Variants in ZFPM2 observed in about 807,000 individuals in gnomAD.
The protein encoded by ZFPM2 is zinc finger protein, FOG family member 2, also known as zinc finger protein ZFPM2.
ZFPM2 carries 20 observed loss-of-function variants against 98.6 expected under a neutral mutation model. The ratio of observed to expected loss-of-function variants is 0.20; its 90% CI spans 0.14 to 0.29. ZFPM2 has a LOEUF of 0.29. Among genes scored for constraint, ZFPM2 ranks in the 10% least tolerant of loss-of-function variants. The probability of loss-of-function intolerance (pLI) is 1.00; values close to 1 mark genes in which losing one functional copy is unlikely to be tolerated. For synonymous variants in ZFPM2, 518 were observed against 502.7 expected, an observed-to-expected ratio of 1.03 and a Z score of -0.41; for missense variants, 1,310 against 1,388.6, an observed-to-expected ratio of 0.94 and a Z score of 0.90.
chr8:105,350,273 A>G (rs560555117), intron 1 of ZFPM2, among the ~76,000 whole-genome samples: 1 of 152,168 alleles, frequency 6.6e-6, no homozygotes, highest in African/African-American at 2.4e-5. Flanking sequence ...AGAGTCTGTT[A>G]AAGTGATTCA....
intron 3 of ZFPM2, among the ~76,000 whole-genome samples, chr8:105,509,333 C>T (rs1368906273): frequency 1.3e-5 from 2 of 152,092 alleles, no homozygotes; most frequent in African/African-American, 4.8e-5. Context: ...GGATCCCTTC[C>T]CTCTCCCAGA....
intron 5 of ZFPM2, among the ~76,000 whole-genome samples, chr8:105,641,550 T>C (rs1162350496): frequency 2.0e-5 from 3 of 152,108 alleles, no homozygotes. Context: ...GACTGTGTTA[T>C]TTAAAATAGA....
At chr8:105,330,581 C>CACAT (rs1812202101) in intron 1 of ZFPM2, among the ~76,000 whole-genome samples, 1 of 86,338 alleles carries the variant, frequency 1.2e-5, no homozygotes, top group African/African-American at 4.8e-5. Context: ...TATATATATA[C>CACAT]ATATATATAT....
intron 3 of ZFPM2, among the ~76,000 whole-genome samples, chr8:105,465,378 T>C (rs140319539): frequency 8.5e-5 from 13 of 152,110 alleles, no homozygotes; most frequent in African/African-American, 2.9e-4. Flanking sequence ...CATATTGATA[T>C]CTACATCTGT....
intron 3 of ZFPM2, among the ~76,000 whole-genome samples, chr8:105,455,389 C>G (rs1166896796): frequency 6.6e-6 from 1 of 152,026 alleles, no homozygotes; most frequent in African/African-American, 2.4e-5. Context: ...GCAGCTTTTT[C>G]AAAACCGTTG....
chr8:105,335,537 A>G (rs1018335822), intron 1 of ZFPM2, among the ~76,000 whole-genome samples: 5 of 151,742 alleles, frequency 3.3e-5, no homozygotes, highest in African/African-American at 1.2e-4. Flanking sequence ...CAAGAATTCT[A>G]TTCCTAAAGA....
At chr8:105,328,534 A>T (rs1232313413) in intron 1 of ZFPM2, among the ~76,000 whole-genome samples, 1 of 151,848 alleles carries the variant, frequency 6.6e-6, no homozygotes, top group African/African-American at 2.4e-5. Flanking sequence ...TCAACTGTTT[A>T]TGTATAGCAG....
chr8:105,676,648 A>T (rs1810476248), intron 5 of ZFPM2, among the ~76,000 whole-genome samples: 1 of 152,136 alleles, frequency 6.6e-6, no homozygotes, highest in Non-Finnish European at 1.5e-5. Context: ...AATATATTTA[A>T]ATATATAAGA....
At chr8:105,600,112 C>T (rs894229228) in intron 4 of ZFPM2, among the ~76,000 whole-genome samples, 4 of 152,120 alleles carry the variant, frequency 2.6e-5, no homozygotes, top group African/African-American at 9.7e-5. Flanking sequence ...TGTTTGCCTA[C>T]TGTATCTTTT....
intron 4 of ZFPM2, among the ~76,000 whole-genome samples, chr8:105,629,026 T>G (rs1816710264): frequency 6.6e-6 from 1 of 152,206 alleles, no homozygotes; most frequent in African/African-American, 2.4e-5. Context: ...CCTGCCTGTA[T>G]GCTGCTGTGG....
chr8:105,490,115 C>T (rs1490963213), intron 3 of ZFPM2, among the ~76,000 whole-genome samples: 2 of 151,912 alleles, frequency 1.3e-5, no homozygotes, highest in Non-Finnish European at 2.9e-5. Flanking sequence ...GGCGTGGTGG[C>T]GGGCACCTGT....
intron 4 of ZFPM2, among the ~76,000 whole-genome samples, chr8:105,598,221 A>G (rs1480150763): frequency 6.6e-6 from 1 of 152,100 alleles, no homozygotes; most frequent in Non-Finnish European, 1.5e-5. Context: ...CGCGGAGTCC[A>G]GCAGTGGGAA....
At chr8:105,457,452 A>G (rs1353064787) in intron 3 of ZFPM2, among the ~76,000 whole-genome samples, 1 of 152,240 alleles carries the variant, frequency 6.6e-6, no homozygotes, top group Non-Finnish European at 1.5e-5. Flanking sequence ...GCGATGACTT[A>G]GTCTACCTTC....
chr8:105,710,078 T>A (rs1811346238), intron 5 of ZFPM2, among the ~76,000 whole-genome samples: 1 of 151,106 alleles, frequency 6.6e-6, no homozygotes, highest in South Asian at 2.2e-4. Flanking sequence ...CTTTAGCCAT[T>A]ATTTAGTCTG....
chr8:105,520,751 G>C (rs572233793), intron 3 of ZFPM2, among the ~76,000 whole-genome samples: 3 of 152,028 alleles, frequency 2.0e-5, no homozygotes, highest in Non-Finnish European at 2.9e-5. Context: ...GGTGGTTTTT[G>C]AGGTGGACTT....
intron 3 of ZFPM2, among the ~76,000 whole-genome samples, chr8:105,486,299 T>C (rs1256597190): frequency 5.9e-5 from 9 of 152,160 alleles, no homozygotes; most frequent in Non-Finnish European, 1.3e-4. Context: ...GAATGACTTC[T>C]CTTTGGACTT....
At chr8:105,549,807 G>A (rs1814808718) in intron 3 of ZFPM2, among the ~76,000 whole-genome samples, 1 of 151,466 alleles carries the variant, frequency 6.6e-6, no homozygotes, top group Non-Finnish European at 1.5e-5. Flanking sequence ...TAGAGATATG[G>A]TCTCACTATG....
intron 3 of ZFPM2, among the ~76,000 whole-genome samples, chr8:105,525,904 C>T (rs1160680744): frequency 3.9e-5 from 6 of 152,058 alleles, no homozygotes; most frequent in African/African-American, 1.2e-4. Flanking sequence ...GGTCAGTTTA[C>T]AATGGTATTT....
chr8:105,653,805 GTT>G (rs1817228131), intron 5 of ZFPM2, among the ~76,000 whole-genome samples: 1 of 130,012 alleles, frequency 7.7e-6, no homozygotes, highest in Non-Finnish European at 1.6e-5. Context: ...AAATAAGAAT[GTT>G]GAAAAGTTCT....
Sources: gnomAD v4.1 joint callset for allele counts (sites outside exome capture counted in the v4.1 genomes callset) on GRCh38, gnomAD v4.1.1 for gene constraint, MANE v1.5 for transcripts, NCBI Gene and HGNC (gene_info 2026-07-23, HGNC 2026-07-21) for gene names.